DOK6: variants seen among roughly 807,000 people sequenced by gnomAD.
The protein encoded by DOK6 is docking protein 6, also known as downstream of tyrosine kinase 6.
Under a neutral mutation model 44.0 loss-of-function variants are expected in DOK6, and 22 were observed. The ratio of observed to expected loss-of-function variants is 0.50; its 90% CI spans 0.36 to 0.71. DOK6 has a LOEUF of 0.71. Ranked by LOEUF, DOK6 falls within the 30% of genes least tolerant of loss-of-function variation. The pLI, the probability that DOK6 is intolerant of heterozygous loss-of-function variation, is 0.00. For missense variants in DOK6, 340 were observed against 416.4 expected, an observed-to-expected ratio of 0.82 and a Z score of 1.60; for synonymous variants, 166 against 145.5, an observed-to-expected ratio of 1.14 and a Z score of -1.01.
chr18:69,455,034 A>G (rs1434006021), intron 1 of DOK6, among the ~76,000 whole-genome samples: 2 of 149,592 alleles, frequency 1.3e-5, no homozygotes, highest in South Asian at 2.2e-4. Context: ...CAATGTGCAC[A>G]TGTACCCTAA....
intron 1 of DOK6, among the ~76,000 whole-genome samples, chr18:69,465,269 T>G (rs1186540064): frequency 1.3e-5 from 2 of 152,114 alleles, no homozygotes; most frequent in Non-Finnish European, 2.9e-5. Context: ...TGAATTCTTT[T>G]TGTATTTATG....
intron 1 of DOK6, among the ~76,000 whole-genome samples, chr18:69,560,898 T>G (rs1051638149): frequency 6.6e-5 from 10 of 152,010 alleles, no homozygotes; most frequent in African/African-American, 2.4e-4. Context: ...AGTTTCATAG[T>G]CTGTACTTGG....
chr18:69,718,801 T>C (rs1172702361), intron 5 of DOK6, among the ~76,000 whole-genome samples: 1 of 152,138 alleles, frequency 6.6e-6, no homozygotes. Context: ...GTTTTTTTAA[T>C]GGAACCCACA....
At chr18:69,583,469 G>T (rs1006533154) in intron 2 of DOK6, among the ~76,000 whole-genome samples, 1 of 152,050 alleles carries the variant, frequency 6.6e-6, no homozygotes, top group Non-Finnish European at 1.5e-5. Context: ...TTACACATTG[G>T]AAATAACGTC....
At chr18:69,401,913 G>C (rs772355831) in intron 1 of DOK6, among the ~76,000 whole-genome samples, 15 of 152,296 alleles carry the variant, frequency 9.8e-5, no homozygotes, top group Non-Finnish European at 1.5e-4. Flanking sequence ...GCGCCCGCCC[G>C]CGGTCACTGC....
In DOK6 at chr18:69,409,419, A is replaced by G. The variant is rs540654938; in HGVS notation, c.66+8109A>G. Among the ~76,000 whole-genome samples, 54 of 152,264 alleles carry G rather than the reference A, an allele frequency of 3.5e-4. 3 individuals carry two copies. In the South Asian group the frequency reaches 9.7e-3, roughly 27 times the overall value. The stretch of plus-strand genomic sequence containing the variant: ...TTACTCACTACCCTTTGGCATGTTT[A>G]TGTGTGTATGTATATGTGTGTACAC... On this transcript the variant is annotated intron_variant, in intron 1 of 7. Coordinates refer to ENST00000382713, the MANE Select transcript of DOK6 (RefSeq NM_152721.6).
intron 7 of DOK6, among the ~76,000 whole-genome samples, chr18:69,798,265 C>CTAT (rs1166859817): frequency 6.6e-6 from 1 of 152,014 alleles, no homozygotes; most frequent in Non-Finnish European, 1.5e-5. Context: ...AAGGTCAAGA[C>CTAT]AATAGTTATT....
intron 7 of DOK6, among the ~76,000 whole-genome samples, chr18:69,776,396 G>A (rs1439946540): frequency 3.3e-5 from 5 of 151,944 alleles, no homozygotes; most frequent in East Asian, 1.9e-4. Flanking sequence ...TTAAGAACAC[G>A]TCTGTAAGAT....
chr18:69,433,493 A>T (rs903754922), intron 1 of DOK6, among the ~76,000 whole-genome samples: 1 of 152,190 alleles, frequency 6.6e-6, no homozygotes, highest in Non-Finnish European at 1.5e-5. Context: ...ATTTAACCAA[A>T]ATAGCAGCCA....
intron 7 of DOK6, among the ~76,000 whole-genome samples, chr18:69,834,133 C>T (rs541375737): frequency 1.2e-4 from 18 of 152,126 alleles, no homozygotes; most frequent in Non-Finnish European, 2.2e-4. Flanking sequence ...CAACCTATGT[C>T]CATAAACAGA....
intron 1 of DOK6, among the ~76,000 whole-genome samples, chr18:69,509,657 AAAAAAAC>A (rs1490715962): frequency 6.8e-4 from 81 of 118,472 alleles, no homozygotes; most frequent in South Asian, 4.9e-3. Context: ...AAAAAAAAAA[AAAAAAAC>A]ACACAAGTCA....
chr18:69,566,578 C>G (rs1455255919), intron 2 of DOK6, among the ~76,000 whole-genome samples: 1 of 152,180 alleles, frequency 6.6e-6, no homozygotes, highest in Non-Finnish European at 1.5e-5. Flanking sequence ...GTAATTTGGA[C>G]ACAGATGGGC....
intron 3 of DOK6, among the ~76,000 whole-genome samples, chr18:69,638,690 C>G (rs927566603): frequency 2.0e-5 from 3 of 152,002 alleles, no homozygotes; most frequent in African/African-American, 7.2e-5. Flanking sequence ...TTATATGAAC[C>G]CTTAAATGAT....
intron 5 of DOK6, among the ~76,000 whole-genome samples, chr18:69,728,530 T>G (rs1273688229): frequency 6.6e-6 from 1 of 152,198 alleles, no homozygotes; most frequent in Non-Finnish European, 1.5e-5. Context: ...TTTCTTTTGC[T>G]GTAATAATAC....
intron 3 of DOK6, among the ~76,000 whole-genome samples, chr18:69,657,064 C>A (rs1269324029): frequency 6.6e-6 from 1 of 152,180 alleles, no homozygotes; most frequent in Non-Finnish European, 1.5e-5. Flanking sequence ...CGATAATAAT[C>A]CAAGTAAATG....
intron 7 of DOK6, among the ~76,000 whole-genome samples, chr18:69,773,943 C>CA (rs963736959): frequency 1.3e-5 from 2 of 148,318 alleles, no homozygotes; most frequent in East Asian, 2.0e-4. Flanking sequence ...AGTCATTATA[C>CA]AAAAAAAAGA....
chr18:69,520,282 A>AAAAT (rs1297531138), intron 1 of DOK6, among the ~76,000 whole-genome samples: 2 of 151,774 alleles, frequency 1.3e-5, no homozygotes, highest in Non-Finnish European at 3.0e-5. Context: ...CCTAGTCAAA[A>AAAAT]ATATACAGTG....
intron 1 of DOK6, among the ~76,000 whole-genome samples, chr18:69,402,085 T>G (rs1377838889): frequency 2.0e-5 from 3 of 152,084 alleles, no homozygotes; most frequent in African/African-American, 7.2e-5. Context: ...GGAGGGGCTG[T>G]CACCTGGGCG....
At chr18:69,490,625 G>C (rs899955473) in intron 1 of DOK6, among the ~76,000 whole-genome samples, 1 of 151,894 alleles carries the variant, frequency 6.6e-6, no homozygotes, top group Non-Finnish European at 1.5e-5. Context: ...AAAGACAAAA[G>C]TTATGACCAT....
Sources: gnomAD v4.1 joint callset for allele counts (sites outside exome capture counted in the v4.1 genomes callset) on GRCh38, gnomAD v4.1.1 for gene constraint, MANE v1.5 for transcripts, NCBI Gene and HGNC (gene_info 2026-07-23, HGNC 2026-07-21) for gene names.